The following SLC9C1 variants were observed in gnomAD, a reference collection of about 807,000 sequenced individuals.
SLC9C1 encodes sodium/hydrogen exchanger 10.
SLC9C1 carries 97 observed loss-of-function variants against 140.9 expected under a neutral mutation model. The observed-to-expected ratio is 0.69, with a 90% confidence interval of 0.58 to 0.82. SLC9C1 has a LOEUF of 0.82. Ranked by LOEUF, SLC9C1 falls within the 40% of genes least tolerant of loss-of-function variation. The probability of loss-of-function intolerance (pLI) is 0.00; values close to 1 mark genes in which losing one functional copy is unlikely to be tolerated. For missense variants in SLC9C1, 1,340 were observed against 1,389.3 expected, an observed-to-expected ratio of 0.96 and a Z score of 0.56; for synonymous variants, 440 against 442.6, an observed-to-expected ratio of 0.99 and a Z score of 0.07.
intron 15 of SLC9C1, among the ~76,000 whole-genome samples, chr3:112,213,446 T>G (rs140566751): frequency 1.8e-3 from 268 of 152,304 alleles, no homozygotes; most frequent in Middle Eastern, 0.01. Flanking sequence ...ATCAGTGTTC[T>G]GTATTCAGGG....
intron 23 of SLC9C1, among the ~76,000 whole-genome samples, chr3:112,174,073 G>A (rs2077293026): frequency 6.6e-6 from 1 of 152,154 alleles, no homozygotes; most frequent in South Asian, 2.1e-4. Context: ...TGATGGCCAT[G>A]TTTACATCTT....
intron 2 of SLC9C1, among the ~76,000 whole-genome samples, chr3:112,284,498 A>G (rs1227866805): frequency 1.6e-4 from 25 of 152,244 alleles, no homozygotes; most frequent in Admixed American, 1.6e-3. Flanking sequence ...TGCAAGCTTC[A>G]GATAGAATGT....
chr3:112,248,852 T>C (rs934236687), intron 10 of SLC9C1, among the ~76,000 whole-genome samples: 2 of 152,136 alleles, frequency 1.3e-5, no homozygotes, highest in African/African-American at 4.8e-5. Flanking sequence ...CAAACTCTAT[T>C]TCACAAAAAG....
intron 12 of SLC9C1, among the ~76,000 whole-genome samples, chr3:112,236,452 T>G (rs538875988): frequency 6.6e-6 from 1 of 152,232 alleles, no homozygotes; most frequent in Non-Finnish European, 1.5e-5. Flanking sequence ...TGAAGGGATT[T>G]TATGTCTCTA....
chr3:112,160,372 A>C (rs112217425), intron 26 of SLC9C1, among the ~76,000 whole-genome samples: 68 of 149,088 alleles, frequency 4.6e-4, no homozygotes, highest in Non-Finnish European at 7.0e-4. Context: ...TGCACCCACT[A>C]ACTTGTCATC....
chr3:112,276,275 G>T (rs1000738653), intron 5 of SLC9C1, among the ~76,000 whole-genome samples: 1 of 152,044 alleles, frequency 6.6e-6, no homozygotes, highest in South Asian at 2.1e-4. Flanking sequence ...CGTAGTAGAT[G>T]TAAGGGCATA....
At chr3:112,188,240 T>C (rs1560043660) in intron 20 of SLC9C1, among the ~76,000 whole-genome samples, 2 of 152,118 alleles carry the variant, frequency 1.3e-5, no homozygotes, top group Non-Finnish European at 2.9e-5. Flanking sequence ...TTTTAATTTT[T>C]TTATTATTAT....
intron 23 of SLC9C1, among the ~76,000 whole-genome samples, chr3:112,177,107 A>G (rs1560032558): frequency 6.7e-6 from 1 of 150,354 alleles, no homozygotes; most frequent in Non-Finnish European, 1.5e-5. Flanking sequence ...CCTGGGTTCA[A>G]GTGATTCTCC....
At chr3:112,250,959 T>G (rs1439747775) in intron 10 of SLC9C1, among the ~76,000 whole-genome samples, 1 of 152,140 alleles carries the variant, frequency 6.6e-6, no homozygotes, top group East Asian at 1.9e-4. Flanking sequence ...CACAGCACTA[T>G]TCACAAGAGT....
At chr3:112,226,922 T>A (rs2078698151) in intron 13 of SLC9C1, among the ~76,000 whole-genome samples, 1 of 151,218 alleles carries the variant, frequency 6.6e-6, no homozygotes, top group Admixed American at 6.6e-5. Flanking sequence ...TAAGAAAAAA[T>A]TAACAAACCA....
At chr3:112,248,173 A>T (rs993817817) in intron 10 of SLC9C1, among the ~76,000 whole-genome samples, 1 of 152,138 alleles carries the variant, frequency 6.6e-6, no homozygotes, top group African/African-American at 2.4e-5. Flanking sequence ...GTCAACAAGA[A>T]ACTAAAGCCC....
intron 26 of SLC9C1, among the ~76,000 whole-genome samples, chr3:112,159,466 G>A (rs1417148111): frequency 6.6e-6 from 1 of 152,094 alleles, no homozygotes; most frequent in Non-Finnish European, 1.5e-5. Context: ...ATTGAGACTT[G>A]TTTTGTGGCT....
At chr3:112,256,131 C>A (rs1174169566) in intron 10 of SLC9C1, among the ~76,000 whole-genome samples, 1 of 151,930 alleles carries the variant, frequency 6.6e-6, no homozygotes, top group African/African-American at 2.4e-5. Context: ...AATTTGCAGG[C>A]TAATTCTACC....
chr3:112,193,574 G>C (rs531321614), intron 20 of SLC9C1, among the ~76,000 whole-genome samples: 4 of 152,120 alleles, frequency 2.6e-5, no homozygotes, highest in African/African-American at 4.8e-5. Context: ...ATGTCTGCTG[G>C]GGGTAGCCCA....
chr3:112,242,842 T>C (rs1371751936), intron 11 of SLC9C1, among the ~76,000 whole-genome samples: 1 of 151,020 alleles, frequency 6.6e-6, no homozygotes, highest in African/African-American at 2.4e-5. Flanking sequence ...GAAAAAAAAG[T>C]CTTAATGGGC....
rs767897380 is a variant in SLC9C1 at position 112,204,245 on chromosome 3, T to C, written c.2145A>G (p.Gln715=). ...TEVIVFIKVV[Q]FFRILRIFKL... is the part of the protein sequence containing the mutation. ...TGAAAATGCGTAGTATACGAAAAAA[T>C]TGAACAACTTTTATAAAGACTATTA... is the stretch of plus-strand genomic sequence containing the variant. The change falls in exon 17 of 29, where the codon CAA becomes CAG. Residue 715 remains glutamine (Q), a synonymous_variant. Transcript: ENST00000305815. The C allele has an allele frequency of 4.6e-6, 7 of 1,505,828 alleles. No individual in the cohort carries two copies. The highest frequency in any genetic ancestry group is 2.6e-5 in the Admixed American group (1 of 38,308). The allele number at this position is 1,505,828 out of a possible 1,614,324, so 93.3% of individuals were successfully genotyped here.
chr3:112,219,876 C>T (rs113589131), intron 14 of SLC9C1, among the ~76,000 whole-genome samples: 32 of 152,218 alleles, frequency 2.1e-4, no homozygotes, highest in East Asian at 9.6e-4. Context: ...CCACTATGCC[C>T]GGCCTGCTAT....
chr3:112,149,514 G>T (rs1208276305), intron 28 of SLC9C1, among the ~76,000 whole-genome samples: 1 of 152,104 alleles, frequency 6.6e-6, no homozygotes, highest in Non-Finnish European at 1.5e-5. Context: ...GGTGGCTCAG[G>T]CTCTTGAACC....
Position 112,262,685 on chromosome 3 carries a change from G to A in SLC9C1, c.1197+239C>T, listed in dbSNP as rs4597682. Among the ~76,000 whole-genome samples the A allele has an allele frequency of 0.59, 89,563 of 151,240 alleles. 27,021 individuals carry two copies. The highest frequency in any genetic ancestry group is 0.79 in the East Asian group (4,050 of 5,134). The stretch of plus-strand genomic sequence containing the variant: ...AAACATTATTGAGTGCACCTTTTAT[G>A]CCAGGTACTATTTTAAATGATTGAT... On this transcript the variant is annotated intron_variant, in intron 10 of 28. Transcript: ENST00000305815.
Sources: gnomAD v4.1 joint callset for allele counts (sites outside exome capture counted in the v4.1 genomes callset) on GRCh38, gnomAD v4.1.1 for gene constraint, MANE v1.5 for transcripts, NCBI Gene and HGNC (gene_info 2026-07-23, HGNC 2026-07-21) for gene names.